Variants in HRH1 observed in about 807,000 individuals in gnomAD.
HRH1 encodes histamine receptor H1, also known as histamine H1 receptor.
A neutral mutation model predicts 10.3 loss-of-function variants in HRH1; 6 were observed. That is an observed-to-expected ratio of 0.58 (90% CI 0.32 to 1.15). The LOEUF (loss-of-function observed/expected upper bound fraction) is 1.15, where lower values mean the gene tolerates loss of function less well. Ranked by LOEUF, HRH1 falls within the 50% of genes most tolerant of loss-of-function variation. The probability of loss-of-function intolerance (pLI) is 0.05; values close to 1 mark genes in which losing one functional copy is unlikely to be tolerated. For synonymous variants in HRH1, 242 were observed against 236.7 expected (o/e 1.02, Z -0.21); for missense variants, 514 against 615.3 (o/e 0.84, Z 1.74).
chr3:11,233,853 T>C (rs1199713020), intron 1 of HRH1, among the ~76,000 whole-genome samples: 1 of 152,196 alleles, frequency 6.6e-6, no homozygotes, highest in Non-Finnish European at 1.5e-5. Flanking sequence ...TTTGTTTCTA[T>C]TACTTGTATT....
Position 11,155,328 on chromosome 3 carries a change from GA to G in HRH1, c.-36+778del, listed in dbSNP as rs1468759425. On this transcript the variant is annotated intron_variant, in intron 1 of 1. Transcript: ENST00000431010. Reference sequence around the variant, plus strand: ...GGCCAGGGAGTGGATTCTGGTGACAGAAAAGCATCGGGGCTGCTCTTTCAGA... The same window carrying G: ...GGCCAGGGAGTGGATTCTGGTGACAGAAAGCATCGGGGCTGCTCTTTCAGA... Among the ~76,000 whole-genome samples, 9 of 152,312 alleles carry G rather than the reference GA, an allele frequency of 5.9e-5. No homozygotes were observed. In the East Asian group the frequency reaches 1.4e-3, roughly 23 times the overall value.
intron 1 of HRH1, among the ~76,000 whole-genome samples, chr3:11,144,485 A>T (rs1228040983): frequency 1.3e-5 from 2 of 148,402 alleles, no homozygotes; most frequent in African/African-American, 4.9e-5. Context: ...ATATATATAC[A>T]CACACACACA....
chr3:11,259,229 G>A lies in HRH1; in HGVS notation c.192G>A (p.Leu64=), dbSNP rs200061170. Reference sequence around the variant, plus strand: ...GGAAGCTCCACACTGTGGGGAACCTGTACATCGTCAGCCTCTCGGTGGCGG... The same window carrying A: ...GGAAGCTCCACACTGTGGGGAACCTATACATCGTCAGCCTCTCGGTGGCGG... ...SERKLHTVGN[L]YIVSLSVADL... The change falls in exon 2 of 2, where the codon CTG becomes CTA. Residue 64 remains leucine, a synonymous_variant. Transcript: ENST00000431010. The surrounding 1 kb of genome is among the most constrained non-coding windows in gnomAD (Gnocchi z 4.6). 1.1e-5 allele frequency: 18 copies of A among 1,613,602 alleles called. No individual in the cohort carries two copies. The highest frequency in any genetic ancestry group is 1.5e-5 in the Non-Finnish European group (18 of 1,179,966).
intron 1 of HRH1, among the ~76,000 whole-genome samples, chr3:11,166,605 C>G (rs1206642898): frequency 6.7e-6 from 1 of 150,004 alleles, no homozygotes; most frequent in South Asian, 2.1e-4. Context: ...TGTCCCCTGG[C>G]TTCTCCAGGC....
At chr3:11,235,383 C>A (rs1939153170) in intron 1 of HRH1, among the ~76,000 whole-genome samples, 1 of 87,746 alleles carries the variant, frequency 1.1e-5, no homozygotes, top group Admixed American at 9.4e-5. Flanking sequence ...CCGGAGGACA[C>A]ACGGGGAGAG....
chr3:11,246,803 T>G (rs1166844456), intron 1 of HRH1, among the ~76,000 whole-genome samples: 2 of 152,112 alleles, frequency 1.3e-5, no homozygotes, highest in Admixed American at 1.3e-4. Flanking sequence ...CCCAGCACTT[T>G]GGGAGGCTTA....
intron 1 of HRH1, among the ~76,000 whole-genome samples, chr3:11,207,867 C>T (rs1575012813): frequency 6.6e-6 from 1 of 152,288 alleles, no homozygotes; most frequent in Admixed American, 6.5e-5. Flanking sequence ...ACCCAGCGGG[C>T]CTGTCTGGCC....
At chr3:11,252,949 G>A (rs749987356) in intron 1 of HRH1, among the ~76,000 whole-genome samples, 4 of 152,058 alleles carry the variant, frequency 2.6e-5, no homozygotes, top group Admixed American at 6.5e-5. Context: ...TTAGGGAGGG[G>A]AGGGGAGGAA....
chr3:11,148,042 T>A (rs942541620), intron 1 of HRH1, among the ~76,000 whole-genome samples: 2 of 152,100 alleles, frequency 1.3e-5, no homozygotes. Context: ...TAGCTGGGCA[T>A]GGTGGTGCAC....
intron 1 of HRH1, among the ~76,000 whole-genome samples, chr3:11,167,520 C>A (rs9822837): frequency 1.6e-5 from 2 of 128,706 alleles, no homozygotes; most frequent in Non-Finnish European, 3.4e-5. Flanking sequence ...CTGTCCCCTG[C>A]ATTCTCCAGG....
At chr3:11,202,501 C>A (rs1937967271) in intron 1 of HRH1, among the ~76,000 whole-genome samples, 1 of 152,140 alleles carries the variant, frequency 6.6e-6, no homozygotes, top group African/African-American at 2.4e-5. Context: ...TCTAAGACTT[C>A]TTCCAGCTTT....
intron 1 of HRH1, among the ~76,000 whole-genome samples, chr3:11,245,120 A>G (rs1163716317): frequency 2.0e-5 from 3 of 152,186 alleles, no homozygotes; most frequent in Admixed American, 1.3e-4. Flanking sequence ...TGGGAGACCG[A>G]GGCAGGCAGA....
rs372860133 is a variant in HRH1 at position 11,235,133 on chromosome 3, T to G, written c.-35-23870T>G. ...GGGAGGCTGAGGCAGGAGAATAGCTTGAACCCAGGAGGCAGAGATTGCAGT... is the reference window on the plus strand; with the variant it reads ...GGGAGGCTGAGGCAGGAGAATAGCTGGAACCCAGGAGGCAGAGATTGCAGT... On this transcript the variant is annotated intron_variant, in intron 1 of 1. Transcript: ENST00000431010. 3.3e-5 allele frequency among the ~76,000 whole-genome samples: 5 copies of G among 151,636 alleles called. No individual in the cohort carries two copies. In the South Asian group the frequency reaches 1.0e-3, roughly 32 times the overall value.
intron 1 of HRH1, among the ~76,000 whole-genome samples, chr3:11,219,799 G>A (rs1158432145): frequency 6.6e-6 from 1 of 150,744 alleles, no homozygotes; most frequent in Non-Finnish European, 1.5e-5. Flanking sequence ...TGCAAGACAC[G>A]TCCATTCAGT....
intron 1 of HRH1, among the ~76,000 whole-genome samples, chr3:11,148,645 C>T (rs58232695): frequency 0.14 from 21,602 of 152,016 alleles, 1,760 homozygotes; most frequent in East Asian, 0.3. Context: ...GAAGAGTTTC[C>T]TTGTTCCGTT....
chr3:11,153,530 C>T (rs745510818), upstream of HRH1, among the ~76,000 whole-genome samples: 13 of 151,894 alleles, frequency 8.6e-5, no homozygotes, highest in Non-Finnish European at 1.9e-4. Flanking sequence ...GTCCCACCTC[C>T]TCAAACACCC....
intron 1 of HRH1, among the ~76,000 whole-genome samples, chr3:11,162,429 T>G (rs1055372425): frequency 6.7e-6 from 1 of 148,686 alleles, no homozygotes; most frequent in African/African-American, 2.5e-5. Flanking sequence ...CAGCAGGGTA[T>G]GGGAGAAATA....
At chr3:11,249,550 G>T (rs1939583368) in intron 1 of HRH1, among the ~76,000 whole-genome samples, 1 of 152,124 alleles carries the variant, frequency 6.6e-6, no homozygotes, top group Non-Finnish European at 1.5e-5. Flanking sequence ...CTCAAGGAAG[G>T]GTAAGAACCT....
chr3:11,171,005 C>T (rs896956190), intron 1 of HRH1, among the ~76,000 whole-genome samples: 6 of 152,032 alleles, frequency 3.9e-5, no homozygotes, highest in African/African-American at 9.7e-5. Context: ...AATTAGGGAT[C>T]GCCTCCCTCC....
Sources: gnomAD v4.1 joint callset for allele counts (sites outside exome capture counted in the v4.1 genomes callset) on GRCh38, gnomAD v4.1.1 for gene constraint, Gnocchi (gnomAD v3.1) non-coding constraint, MANE v1.5 for transcripts, NCBI Gene and HGNC (gene_info 2026-07-23, HGNC 2026-07-21) for gene names.